WNT16: variants seen among roughly 807,000 people sequenced by gnomAD.
WNT16 encodes the protein Wnt family member 16.
Under a neutral mutation model 35.4 loss-of-function variants are expected in WNT16, and 20 were observed. The ratio of observed to expected loss-of-function variants is 0.56; its 90% CI spans 0.40 to 0.82. WNT16 has a LOEUF of 0.82. Among genes scored for constraint, WNT16 ranks in the 40% least tolerant of loss-of-function variants. WNT16 has a pLI of 0.00. For missense variants in WNT16, 461 were observed against 466.0 expected (o/e 0.99, Z 0.10); for synonymous variants, 180 against 179.2 (o/e 1.00, Z -0.03).
chr7:121,329,101 T>C lies in WNT16; in HGVS notation c.-192T>C, dbSNP rs891782772. The C allele has an allele frequency of 1.9e-5, 26 of 1,362,464 alleles. No homozygotes were observed. The African/African-American group carries it at 3.8e-4, about 20-fold the overall frequency. The allele number at this position is 1,362,464 out of a possible 1,614,324, so 84.4% of individuals were successfully genotyped here. On this transcript the variant is annotated 5_prime_UTR_variant, in exon 1 of 4. Coordinates refer to ENST00000222462, the MANE Select transcript of WNT16 (RefSeq NM_057168.2). ...ATCCCCAGGCTGCTCTCTCCATCTC[T>C]CCTACAGCTCCCTGCAAACGAGGGG...
At chr7:121,338,818 G>A in intron 3 of WNT16, 63 bp from the exon 4 acceptor site, 1 of 1,373,484 alleles carries the variant, frequency 7.3e-7, no homozygotes, top group East Asian at 2.3e-5. Context: ...GATTAACTGT[G>A]CTTCTGTTGT....
upstream of WNT16, among the ~76,000 whole-genome samples, chr7:121,326,830 G>A (rs1283693565): frequency 1.1e-4 from 16 of 151,912 alleles, no homozygotes; most frequent in Non-Finnish European, 1.8e-4. Flanking sequence ...ATCTACCACC[G>A]TTGGCCCTAA....
Position 121,329,804 on chromosome 7 carries a change from C to T in WNT16, c.333C>T (p.Tyr111=). 6.2e-7 allele frequency: 1 copy of T among 1,603,798 alleles called. No homozygotes were observed. Among genetic ancestry groups the T allele is most frequent in the Non-Finnish European group, 8.5e-7 (1 of 1,179,984 alleles). ...TGGGCGCCAGCCCCCTCTTTGGCTACGAGCTGAGCAGCGGTGAGTCCTGGG... is the reference window on the plus strand; with the variant it reads ...TGGGCGCCAGCCCCCTCTTTGGCTATGAGCTGAGCAGCGGTGAGTCCTGGG... ...APMGASPLFG[Y]ELSSGTKETA... is the part of the protein sequence containing the mutation. The change falls in exon 2 of 4, where the codon TAC becomes TAT. Residue 111 remains tyrosine, a synonymous_variant. Transcript: ENST00000222462.
intron 2 of WNT16, among the ~76,000 whole-genome samples, chr7:121,330,857 GAA>G (rs34940008): frequency 4.1e-5 from 6 of 147,442 alleles, no homozygotes; most frequent in African/African-American, 1.5e-4. Context: ...CATCTGGAAA[GAA>G]AAAAAAAAAG....
Position 121,329,035 on chromosome 7 carries a change from TC to T in WNT16, c.-255del. On this transcript the variant is annotated 5_prime_UTR_variant, in exon 1 of 4. The change abolishes the stop of an existing upstream ORF in the 5' untranslated region. Coordinates refer to ENST00000222462, the MANE Select transcript of WNT16 (RefSeq NM_057168.2). ...TCTCACCTAGGAATGCGAGGGGCGC[TC>T]CCGCATCTCCTGCACATCTCCACCC... is the stretch of plus-strand genomic sequence containing the variant. 8.1e-7 allele frequency: 1 copy of T among 1,227,596 alleles called. No homozygotes were observed. The highest frequency in any genetic ancestry group is 1.0e-6 in the Non-Finnish European group (1 of 983,642). The allele number at this position is 1,227,596 out of a possible 1,614,324, so 76.0% of individuals were successfully genotyped here.
chr7:121,331,706 T>C lies in WNT16; in HGVS notation c.375T>C (p.Ala125=), dbSNP rs771131231. 1.9e-6 allele frequency: 3 copies of C among 1,612,334 alleles called. No homozygotes were observed. The African/African-American group carries it at 4.0e-5, about 22-fold the overall frequency. The change falls in exon 3 of 4, where the codon GCT becomes GCC. Residue 125 remains alanine (A), a synonymous_variant. Coordinates refer to ENST00000222462, the MANE Select transcript of WNT16 (RefSeq NM_057168.2). ...SGTKETAFIY[A]VMAAGLVHSV... ...CCAAAGAGACAGCATTTATTTATGC[T>C]GTGATGGCTGCAGGCCTGGTGCATT...
intron 3 of WNT16, among the ~76,000 whole-genome samples, chr7:121,335,477 TAACAA>T (rs1328538453): frequency 2.6e-5 from 4 of 152,120 alleles, no homozygotes; most frequent in Non-Finnish European, 5.9e-5. Flanking sequence ...TTGCAATAGT[TAACAA>T]AACATTCCTC....
chr7:121,326,803 A>G (rs1300002779), upstream of WNT16, among the ~76,000 whole-genome samples: 5 of 152,162 alleles, frequency 3.3e-5, no homozygotes, highest in Non-Finnish European at 7.3e-5. Flanking sequence ...TTAAAAAATC[A>G]AACACCTCTT....
chr7:121,339,659 TGCCAGGAGGCCTGC>T lies in WNT16; in HGVS notation c.*315_*328del. The T allele has an allele frequency of 2.2e-6, 1 of 450,128 alleles. No individual in the cohort carries two copies. Among genetic ancestry groups the T allele is most frequent in the South Asian group, 7.7e-5 (1 of 13,006 alleles). The allele number at this position is 450,128 out of a possible 1,614,324, so 27.9% of individuals were successfully genotyped here. On this transcript the variant is annotated 3_prime_UTR_variant, in exon 4 of 4. Coordinates refer to ENST00000222462, the MANE Select transcript of WNT16 (RefSeq NM_057168.2). ...AAGAAATAACAGGAAAGATCCCTTA[TGCCAGGAGGCCTGC>T]CATACTCAGGATAAGATCCTTGAAT... is the stretch of plus-strand genomic sequence containing the variant.
chr7:121,327,607 C>T (rs1398410563), upstream of WNT16, among the ~76,000 whole-genome samples: 1 of 152,072 alleles, frequency 6.6e-6, no homozygotes, highest in African/African-American at 2.4e-5. Context: ...ATCTTGGCCT[C>T]CAAAAGTGCT....
chr7:121,331,562 C>G, intron 2 of WNT16, 116 bp from the exon 3 acceptor site: 2 of 869,902 alleles, frequency 2.3e-6, no homozygotes, highest in Non-Finnish European at 3.5e-6. Context: ...GTTAACGCAT[C>G]CATTGTAAGC....
At position 121,339,471 on chromosome 7, in the gene WNT16, C is replaced by CCCCT; in HGVS notation, c.*127_*128insCCTC. 1.2e-6 allele frequency: 1 copy of CCCCT among 804,962 alleles called. No homozygotes were observed. The highest frequency in any genetic ancestry group is 3.7e-4 in the Middle Eastern group (1 of 2,690). The allele number at this position is 804,962 out of a possible 1,614,324, so 49.9% of individuals were successfully genotyped here. A position where few individuals can be genotyped will look rare whatever the true frequency, so the allele number is the denominator to read the frequency against. ...GCAGTGGAATCCCTAGAACCTTGGA[C>CCCCT]CTGAGAGTTTCCCTTACCTGATCGA... On this transcript the variant is annotated 3_prime_UTR_variant, in exon 4 of 4. Coordinates refer to ENST00000222462, the MANE Select transcript of WNT16 (RefSeq NM_057168.2).
Position 121,331,893 on chromosome 7 carries a change from G to A in WNT16, c.562G>A (p.Gly188Arg), listed in dbSNP as rs780579430. 5.6e-6 allele frequency: 9 copies of A among 1,613,952 alleles called. No individual in the cohort carries two copies. The highest frequency in any genetic ancestry group is 3.3e-5 in the South Asian group (3 of 91,078). ...CAGAAAGTTCCTAGATTTCCCCATC[G>A]GAAACACCACGGGCAAAGAAAACAA... is the stretch of plus-strand genomic sequence containing the variant. ...FSRKFLDFPIGNTTGKENKVL... is the reference protein window; with the variant it reads ...FSRKFLDFPIRNTTGKENKVL... The change falls in exon 3 of 4, where the codon GGA (glycine) becomes AGA (arginine). Residue 188 changes from glycine (G) to arginine (R), a missense_variant. Coordinates refer to ENST00000222462, the MANE Select transcript of WNT16 (RefSeq NM_057168.2).
At chr7:121,334,744 C>T (rs1173121815) in intron 3 of WNT16, among the ~76,000 whole-genome samples, 1 of 152,022 alleles carries the variant, frequency 6.6e-6, no homozygotes, top group East Asian at 1.9e-4. Context: ...AATAATGTTG[C>T]CGAATGATGA....
At chr7:121,338,076 C>A (rs1793468503) in intron 3 of WNT16, among the ~76,000 whole-genome samples, 1 of 152,136 alleles carries the variant, frequency 6.6e-6, no homozygotes, top group African/African-American at 2.4e-5. Context: ...TCTCATGTGG[C>A]CTGGAACCAG....
Position 121,339,220 on chromosome 7 carries a change from T to G in WNT16, c.973T>G (p.Cys325Gly). 6.2e-7 allele frequency: 1 copy of G among 1,614,196 alleles called. No individual in the cohort carries two copies. The highest frequency in any genetic ancestry group is 8.5e-7 in the Non-Finnish European group (1 of 1,180,028). ...TGCAGATGGCTGCAACCTCCTCTGC[T>G]GTGGCCGAGGTTACAACACCCATGT... ...EGADGCNLLC[C>G]GRGYNTHVVR... The change falls in exon 4 of 4, where the codon TGT (cysteine) becomes GGT (glycine). Residue 325 changes from cysteine (C) to glycine (G), a missense_variant. Transcript: ENST00000222462.
chr7:121,330,939 C>A (rs1398619252), intron 2 of WNT16, among the ~76,000 whole-genome samples: 1 of 151,752 alleles, frequency 6.6e-6, no homozygotes, highest in East Asian at 1.9e-4. Flanking sequence ...AAGATTTTAG[C>A]TCAAACTCTA....
chr7:121,331,133 A>G (rs1241806095), intron 2 of WNT16, among the ~76,000 whole-genome samples: 1 of 152,262 alleles, frequency 6.6e-6, no homozygotes, highest in Non-Finnish European at 1.5e-5. Flanking sequence ...ATGTGAAAAT[A>G]TACGGTACCG....
rs770066890 is a variant in WNT16, at chr7:121,329,551, C to T, written c.96-16C>T. The T allele has an allele frequency of 1.2e-6, 2 of 1,612,068 alleles. No individual in the cohort carries two copies. Among genetic ancestry groups the T allele is most frequent in the South Asian group, 1.1e-5 (1 of 91,010 alleles). On this transcript the variant is annotated splice_polypyrimidine_tract_variant and intron_variant, in intron 1 of 3. Transcript: ENST00000222462. Reference sequence around the variant, plus strand: ...TTGGGGAGCGGCTTAACGCTACGGGCGGCCGTGTCTTACAGGTGGTTGGGC... The same window carrying T: ...TTGGGGAGCGGCTTAACGCTACGGGTGGCCGTGTCTTACAGGTGGTTGGGC...
Sources: gnomAD v4.1 joint callset for allele counts (sites outside exome capture counted in the v4.1 genomes callset) on GRCh38, gnomAD v4.1.1 for gene constraint, MANE v1.5 for transcripts, NCBI Gene and HGNC (gene_info 2026-07-23, HGNC 2026-07-21) for gene names.